Variants in CRYZ observed in about 807,000 individuals in gnomAD.
The protein encoded by CRYZ is zeta-crystallin.
A neutral mutation model predicts 34.1 loss-of-function variants in CRYZ; 35 were observed. The ratio of observed to expected loss-of-function variants is 1.03; its 90% confidence interval spans 0.78 to 1.36. CRYZ has a LOEUF of 1.36. Among genes scored for constraint, CRYZ ranks in the 40% most tolerant of loss-of-function variants. The pLI is 0.00. For synonymous variants in CRYZ, 137 were observed against 136.5 expected, an observed-to-expected ratio of 1.00 and a Z score of -0.03; for missense variants, 403 against 391.8, an observed-to-expected ratio of 1.03 and a Z score of -0.24.
chr1:74,732,507 G>T (rs939237122), intron 1 of CRYZ, among the ~76,000 whole-genome samples: 1 of 151,968 alleles, frequency 6.6e-6, no homozygotes, highest in South Asian at 2.1e-4. Flanking sequence ...CTGGGCTGTG[G>T]GAAGGGGCCC....
chr1:74,716,255 A>G (rs551593281), intron 4 of CRYZ, among the ~76,000 whole-genome samples: 1 of 152,124 alleles, frequency 6.6e-6, no homozygotes, highest in African/African-American at 2.4e-5. Flanking sequence ...GAATTTATAT[A>G]GAGATAAATG....
chr1:74,719,454 T>TAC, intron 3 of CRYZ, 82 bp from the exon 4 acceptor site: 1 of 1,311,356 alleles, frequency 7.6e-7, no homozygotes, highest in South Asian at 1.4e-5. Context: ...TAACAAGAAA[T>TAC]AAGTGAGTAC....
In CRYZ at chr1:74,710,265, C is replaced by T. The variant is rs1396405740; in HGVS notation, c.481-18G>A. On this transcript the variant is annotated intron_variant, in intron 5 of 8. Transcript: ENST00000340866. ...AATCCAACCTGAAAAACAAATATAACCCAAGAGTTATATATTCTCTACACT... is the reference window on the plus strand; with the variant it reads ...AATCCAACCTGAAAAACAAATATAATCCAAGAGTTATATATTCTCTACACT... 1.2e-6 allele frequency: 2 copies of T among 1,612,496 alleles called. No homozygotes were observed.
rs147879622 is a variant in CRYZ at position 74,728,626 on chromosome 1, A to T, written c.-13-3792T>A. Among the ~76,000 whole-genome samples the T allele has an allele frequency of 4.2e-4, 64 of 152,364 alleles. 1 individual carries two copies. The East Asian group carries it at 8.9e-3, about 21-fold the overall frequency. ...CAGGACTACTCAGAACAGAGCCCAT[A>T]CAGGCTATAAAATGTCATTCCACAT... On this transcript the variant is annotated intron_variant, in intron 1 of 8. Transcript: ENST00000340866.
chr1:74,731,170 C>T (rs1004983620), intron 1 of CRYZ, among the ~76,000 whole-genome samples: 8 of 152,140 alleles, frequency 5.3e-5, no homozygotes, highest in Admixed American at 2.0e-4. Flanking sequence ...ATATGCCTTA[C>T]AAATCTAGGA....
chr1:74,720,825 C>G (rs11485555), intron 3 of CRYZ, among the ~76,000 whole-genome samples: 91,890 of 151,884 alleles, frequency 0.61, 28,394 homozygotes, highest in East Asian at 0.79. Flanking sequence ...TTATGTGAGG[C>G]ACATCAATAC....
At chr1:74,719,133 C>A in intron 4 of CRYZ, 76 bp downstream of exon 4, 1 of 1,431,704 alleles carries the variant, frequency 7.0e-7, no homozygotes, top group Non-Finnish European at 9.7e-7. Flanking sequence ...GATGGATGGA[C>A]AGACAGCTAG....
rs5775262 is a variant in CRYZ at position 74,729,478 on chromosome 1, CA to C, written c.-14+3477del. On this transcript the variant is annotated intron_variant, in intron 1 of 8. Coordinates refer to ENST00000340866, the MANE Select transcript of CRYZ (RefSeq NM_001889.4). The stretch of plus-strand genomic sequence containing the variant: ...GCAACATGGCGAAATGCCATCTCTA[CA>C]AAAAAAAAAAAAAAAATTATCTAGG... Among the ~76,000 whole-genome samples the C allele has an allele frequency of 5.0e-3, 615 of 123,914 alleles. 6 individuals carry two copies. The highest frequency in any genetic ancestry group is 0.016 in the African/African-American group (520 of 31,756). The allele number at this position is 123,914 out of a possible 152,430, so 81.3% of individuals were successfully genotyped here.
intron 5 of CRYZ, among the ~76,000 whole-genome samples, chr1:74,711,267 G>C (rs1196097460): frequency 6.6e-6 from 1 of 152,182 alleles, no homozygotes; most frequent in African/African-American, 2.4e-5. Context: ...GCCAGGAAAT[G>C]ATCTGGTTGA....
Position 74,706,315 on chromosome 1 carries a change from T to G in CRYZ, c.971A>C (p.Lys324Thr). 6 of 1,604,746 alleles carry G rather than the reference T, an allele frequency of 3.7e-6. 1 individual carries two copies. In the South Asian group the frequency reaches 6.8e-5, roughly 18 times the overall value. ...NIIHGSGATG[K>T]MILLL The stretch of plus-strand genomic sequence containing the variant: ...TAATCATCATAAGAGAAGAATCATT[T>G]TTCCAGTAGCCCCACTACCATGAAT... The change falls in exon 9 of 9, where the codon AAA becomes ACA. Residue 324 changes from lysine (K) to threonine (T), a missense_variant. Coordinates refer to ENST00000340866, the MANE Select transcript of CRYZ (RefSeq NM_001889.4).
intron 6 of CRYZ, 69 bp downstream of exon 6, chr1:74,710,029 C>T: frequency 7.2e-7 from 1 of 1,389,784 alleles, no homozygotes; most frequent in Non-Finnish European, 9.9e-7. Context: ...TGGTTAAAAA[C>T]ATATTAAAAA....
At chr1:74,732,020 G>A (rs1242326906) in intron 1 of CRYZ, among the ~76,000 whole-genome samples, 3 of 152,192 alleles carry the variant, frequency 2.0e-5, no homozygotes, top group Non-Finnish European at 4.4e-5. Flanking sequence ...TGTAATTGTG[G>A]GAATCCAAGA....
chr1:74,719,176 A>C, intron 4 of CRYZ, 33 bp downstream of exon 4: 1 of 1,604,344 alleles, frequency 6.2e-7, no homozygotes, highest in Middle Eastern at 1.7e-4. Context: ...CTCTTTTGGC[A>C]TTGGCCATAA....
At chr1:74,727,816 A>T (rs943469076) in intron 1 of CRYZ, among the ~76,000 whole-genome samples, 2 of 152,114 alleles carry the variant, frequency 1.3e-5, no homozygotes, top group African/African-American at 4.8e-5. Flanking sequence ...GACAGAGCCA[A>T]ATGATATTAC....
At chr1:74,725,898 G>A (rs554482132) in intron 1 of CRYZ, among the ~76,000 whole-genome samples, 108 of 152,286 alleles carry the variant, frequency 7.1e-4, no homozygotes, top group African/African-American at 2.0e-3. Context: ...AAAATCCAGC[G>A]AGACAGTCAA....
At chr1:74,727,568 C>T (rs1367520637) in intron 1 of CRYZ, among the ~76,000 whole-genome samples, 2 of 85,822 alleles carry the variant, frequency 2.3e-5, no homozygotes, top group Admixed American at 1.6e-4. Flanking sequence ...GCAGGTGGAG[C>T]TTCCAGTGAG....
At chr1:74,716,404 C>G (rs1263909893) in intron 4 of CRYZ, among the ~76,000 whole-genome samples, 1 of 152,104 alleles carries the variant, frequency 6.6e-6, no homozygotes, top group Non-Finnish European at 1.5e-5. Context: ...AACACTCAGC[C>G]TGGCCTTCCA....
intron 1 of CRYZ, among the ~76,000 whole-genome samples, chr1:74,726,035 G>A (rs1452309102): frequency 6.6e-6 from 1 of 152,202 alleles, no homozygotes; most frequent in African/African-American, 2.4e-5. Context: ...AAGCCTCCCT[G>A]CTGGCTGTTT....
intron 2 of CRYZ, 79 bp downstream of exon 2, chr1:74,724,632 T>A: frequency 1.2e-6 from 1 of 860,102 alleles, no homozygotes; most frequent in Non-Finnish European, 1.8e-6. Flanking sequence ...TAATTGTGAG[T>A]CTGCTTCTTT....
Sources: allele counts gnomAD v4.1 joint callset (sites outside exome capture counted in the v4.1 genomes callset), GRCh38; gene constraint gnomAD v4.1.1; transcripts MANE v1.5; gene names NCBI Gene and HGNC (gene_info 2026-07-23, HGNC 2026-07-21).